ANKRD49: variants seen among roughly 807,000 people sequenced by gnomAD.
ANKRD49 encodes ankyrin repeat domain-containing protein 49.
Under a neutral mutation model 19.6 loss-of-function variants are expected in ANKRD49, and 18 were observed. The observed-to-expected ratio is 0.92, with a 90% CI of 0.63 to 1.36. The LOEUF (loss-of-function observed/expected upper bound fraction) is 1.36. ANKRD49 is among the 40% of genes most tolerant of loss of function. ANKRD49 has a pLI of 0.00. For synonymous variants in ANKRD49, 88 were observed against 101.8 expected (o/e 0.86, Z 0.82); for missense variants, 218 against 281.6 (o/e 0.77, Z 1.62).
Position 94,498,364 on chromosome 11 carries a change from C to T in ANKRD49, c.552C>T (p.Asn184=), listed in dbSNP as rs1565246950. The change falls in exon 3 of 3, where the codon AAC becomes AAT. Residue 184 remains asparagine, a synonymous_variant. Coordinates refer to ENST00000544612, the MANE Select transcript of ANKRD49 (RefSeq NM_017704.3). ...CCCCCTTGCATCTTGCTGCTGGGAA[C>T]AGAGACAGCAAGGATACCCTAGAAC... is the stretch of plus-strand genomic sequence containing the variant. ...LLTPLHLAAG[N]RDSKDTLELL... 6.2e-7 allele frequency: 1 copy of T among 1,613,408 alleles called. No individual in the cohort carries two copies. The highest frequency in any genetic ancestry group is 1.7e-5 in the Admixed American group (1 of 60,002).
chr11:94,498,596 A>G lies in ANKRD49; in HGVS notation c.*64A>G, dbSNP rs1947451398. On this transcript the variant is annotated 3_prime_UTR_variant, in exon 3 of 3. Transcript: ENST00000544612. ...CCTCCTGTGTGTGAGATGTATTCCC[A>G]TAATCAAAGTTGACGTCAAACATCT... is the stretch of plus-strand genomic sequence containing the variant. The G allele has an allele frequency of 2.2e-6, 3 of 1,374,598 alleles. No homozygotes were observed. Among genetic ancestry groups the G allele is most frequent in the Non-Finnish European group, 3.0e-6 (3 of 1,001,332 alleles). The allele number at this position is 1,374,598 out of a possible 1,614,324, so 85.2% of individuals were successfully genotyped here.
chr11:94,494,819 G>C (rs959609834), intron 1 of ANKRD49, among the ~76,000 whole-genome samples: 2 of 152,136 alleles, frequency 1.3e-5, no homozygotes, highest in Non-Finnish European at 2.9e-5. Context: ...AAGATCTGTG[G>C]TATAAGGTTA....
Position 94,498,598 on chromosome 11 carries a change from A to G in ANKRD49, c.*66A>G. 1 of 1,367,008 alleles carries G rather than the reference A, an allele frequency of 7.3e-7. No individual in the cohort carries two copies. Among genetic ancestry groups the G allele is most frequent in the East Asian group, 2.3e-5 (1 of 43,350 alleles). The allele number at this position is 1,367,008 out of a possible 1,614,324, so 84.7% of individuals were successfully genotyped here. A position where few individuals can be genotyped will look rare whatever the true frequency, so the allele number is the denominator to read the frequency against. ...TCCTGTGTGTGAGATGTATTCCCAT[A>G]ATCAAAGTTGACGTCAAACATCTTA... On this transcript the variant is annotated 3_prime_UTR_variant, in exon 3 of 3. Transcript: ENST00000544612.
Position 94,498,625 on chromosome 11 carries a change from T to C in ANKRD49, c.*93T>C, listed in dbSNP as rs1947451888. 3 of 1,122,740 alleles carry C rather than the reference T, an allele frequency of 2.7e-6. No individual in the cohort carries two copies. The highest frequency in any genetic ancestry group is 3.1e-5 in the African/African-American group (2 of 63,802). 69.5% of individuals were successfully genotyped at this position (1,122,740 alleles called of 1,614,324 possible). ...TCAAAGTTGACGTCAAACATCTTAC[T>C]ACAAAAATTCAGTGACATTCATTAT... On this transcript the variant is annotated 3_prime_UTR_variant, in exon 3 of 3. Transcript: ENST00000544612.
In ANKRD49 at chr11:94,498,503, G is replaced by A; in HGVS notation, c.691G>A (p.Gly231Ser). The change falls in exon 3 of 3, where the codon GGC becomes AGC. Residue 231 changes from glycine (G) to serine (S), a missense_variant. Gly to Ser is a moderately conservative substitution (Grantham distance 56, BLOSUM62 0). Coordinates refer to ENST00000544612, the MANE Select transcript of ANKRD49 (RefSeq NM_017704.3). ...IYHYLFEIVE[G>S]CTNSSPQS Reference sequence around the variant, plus strand: ...TCACTACCTCTTTGAAATTGTGGAAGGCTGTACAAATTCTTCACCTCAGTC... The same window carrying A: ...TCACTACCTCTTTGAAATTGTGGAAAGCTGTACAAATTCTTCACCTCAGTC... The A allele has an allele frequency of 6.2e-7, 1 of 1,613,444 alleles. No homozygotes were observed. The highest frequency in any genetic ancestry group is 8.5e-7 in the Non-Finnish European group (1 of 1,179,596).
intron 1 of ANKRD49, 84 bp from the exon 2 acceptor site, chr11:94,496,520 T>G: frequency 1.7e-6 from 1 of 582,424 alleles, no homozygotes. Context: ...AGGGTTTAAT[T>G]GTATATGTTT....
In ANKRD49 at chr11:94,496,723, A is replaced by G; in HGVS notation, c.30A>G (p.Gly10=). 6.3e-7 allele frequency: 1 copy of G among 1,599,202 alleles called. No individual in the cohort carries two copies. Among genetic ancestry groups the G allele is most frequent in the Non-Finnish European group, 8.5e-7 (1 of 1,174,566 alleles). The change falls in exon 2 of 3, where the codon GGA becomes GGG. Residue 10 remains glycine (G), a synonymous_variant. Coordinates refer to ENST00000544612, the MANE Select transcript of ANKRD49 (RefSeq NM_017704.3). Reference sequence around the variant, plus strand: ...AAAAAGAAAAAGGAAATGATGATGGAATACCAGACCAAGAGAATTCCTTGG... The same window carrying G: ...AAAAAGAAAAAGGAAATGATGATGGGATACCAGACCAAGAGAATTCCTTGG... MEKEKGNDD[G]IPDQENSLDF... is the part of the protein sequence containing the mutation.
Position 94,498,946 on chromosome 11 carries a change from T to G in ANKRD49, c.*414T>G, listed in dbSNP as rs2135163831. ...GAACTTAATTTAAAAGTCTTAAATA[T>G]TCTGATACAATTCAGCTGTCTTCTC... On this transcript the variant is annotated 3_prime_UTR_variant, in exon 3 of 3. Coordinates refer to ENST00000544612, the MANE Select transcript of ANKRD49 (RefSeq NM_017704.3). 5.8e-6 allele frequency: 1 copy of G among 173,146 alleles called. No homozygotes were observed. The highest frequency in any genetic ancestry group is 1.2e-5 in the Non-Finnish European group (1 of 81,616). 10.7% of individuals were successfully genotyped at this position (173,146 alleles called of 1,614,324 possible).
rs369504802 is a variant in ANKRD49, at chr11:94,498,482, T to C, written c.670T>C (p.Tyr224His). 108 of 1,613,798 alleles carry C rather than the reference T, an allele frequency of 6.7e-5. No individual in the cohort carries two copies. The highest frequency in any genetic ancestry group is 1.6e-4 in the Middle Eastern group (1 of 6,072). ...DIARRTSIYHYLFEIVEGCTN... is the reference protein window; with the variant it reads ...DIARRTSIYHHLFEIVEGCTN... Reference sequence around the variant, plus strand: ...TGCCAGGAGGACAAGTATCTATCACTACCTCTTTGAAATTGTGGAAGGCTG... The same window carrying C: ...TGCCAGGAGGACAAGTATCTATCACCACCTCTTTGAAATTGTGGAAGGCTG... Residue 224 changes from tyrosine (Y) to histidine (H), a missense_variant, in exon 3 of 3, where the codon TAC becomes CAC. By Grantham distance (83) the Tyr-to-His change is moderately conservative. Coordinates refer to ENST00000544612, the MANE Select transcript of ANKRD49 (RefSeq NM_017704.3).
At chr11:94,496,261 C>T (rs908993970) in intron 1 of ANKRD49, among the ~76,000 whole-genome samples, 14 of 152,142 alleles carry the variant, frequency 9.2e-5, no homozygotes, top group African/African-American at 3.4e-4. Context: ...TTATAAAAAT[C>T]TTGAATGCAC....
At chr11:94,497,827 G>A (rs938651552) in intron 2 of ANKRD49, 3 of 426,246 alleles carry the variant, frequency 7.0e-6, no homozygotes, top group Non-Finnish European at 8.3e-6. Flanking sequence ...TAAATGTATG[G>A]TTTGATATTC....
chr11:94,496,482 A>T, intron 1 of ANKRD49, 122 bp from the exon 2 acceptor site: 1 of 483,718 alleles, frequency 2.1e-6, no homozygotes, highest in Non-Finnish European at 3.6e-6. Context: ...TATGTAAGGG[A>T]TATCATGAGA....
Position 94,496,945 on chromosome 11 carries a change from A to G in ANKRD49, c.252A>G (p.Lys84=). ...PSRLLLWAAE[K]NRLTTVRRLL... is the part of the protein sequence containing the mutation. Reference sequence around the variant, plus strand: ...GATTGCTTCTTTGGGCTGCTGAAAAAAATCGGGTAAAAAAAAAAATTACAG... The same window carrying G: ...GATTGCTTCTTTGGGCTGCTGAAAAGAATCGGGTAAAAAAAAAAATTACAG... Residue 84 remains lysine, a synonymous_variant, in exon 2 of 3, where the codon AAA becomes AAG. Transcript: ENST00000544612. The G allele has an allele frequency of 1.9e-6, 3 of 1,613,528 alleles. No homozygotes were observed. The highest frequency in any genetic ancestry group is 2.5e-6 in the Non-Finnish European group (3 of 1,179,992).
intron 1 of ANKRD49, among the ~76,000 whole-genome samples, chr11:94,496,119 T>C: frequency 6.6e-6 from 1 of 151,924 alleles, no homozygotes; most frequent in East Asian, 1.9e-4. Context: ...TAAAGATATA[T>C]GTACCGATGA....
intron 1 of ANKRD49, among the ~76,000 whole-genome samples, chr11:94,495,115 A>C (rs1947393834): frequency 6.6e-6 from 1 of 152,320 alleles, no homozygotes; most frequent in Admixed American, 6.5e-5. Context: ...CAGAAAAGTT[A>C]CTGGACATGA....
intron 2 of ANKRD49, 168 bp downstream of exon 2, chr11:94,497,119 G>A (rs1414980249): frequency 2.4e-6 from 2 of 847,494 alleles, no homozygotes; most frequent in African/African-American, 1.7e-5. Context: ...GTCATGCTAG[G>A]TATTATTTGG....
Position 94,498,211 on chromosome 11 carries a change from T to C in ANKRD49, c.399T>C (p.Asp133=). Residue 133 remains aspartate (D), a synonymous_variant, in exon 3 of 3, where the codon GAT becomes GAC. Transcript: ENST00000544612. The part of the protein sequence containing the change: ...IVQELIAQGA[D]VHAVTVDGWT... ...AGGAGCTCATTGCACAGGGGGCCGA[T>C]GTTCATGCAGTGACTGTGGATGGCT... 2 of 1,614,180 alleles carry C rather than the reference T, an allele frequency of 1.2e-6. No individual in the cohort carries two copies. The highest frequency in any genetic ancestry group is 8.5e-7 in the Non-Finnish European group (1 of 1,180,030).
intron 1 of ANKRD49, chr11:94,494,247 G>C (rs1400318251): frequency 6.6e-6 from 1 of 152,248 alleles, no homozygotes; most frequent in African/African-American, 2.4e-5. Context: ...TGAGCTCCCG[G>C]CTGGTGGCAG....
At chr11:94,497,981 C>A in intron 2 of ANKRD49, 90 bp from the exon 3 acceptor site, 1 of 984,564 alleles carries the variant, frequency 1.0e-6, no homozygotes, top group Non-Finnish European at 1.5e-6. Context: ...TTTTATTCAA[C>A]TTAATTAAAT....
Sources: allele counts gnomAD v4.1 joint callset (sites outside exome capture counted in the v4.1 genomes callset), GRCh38; gene constraint gnomAD v4.1.1; transcripts MANE v1.5; gene names NCBI Gene and HGNC (gene_info 2026-07-23, HGNC 2026-07-21).